ITGA11: variants seen among roughly 807,000 people sequenced by gnomAD.
The protein encoded by ITGA11 is integrin subunit alpha 11, also known as integrin alpha-11.
A neutral mutation model predicts 141.9 loss-of-function variants in ITGA11; 97 were observed. The ratio of observed to expected loss-of-function variants is 0.68; its 90% CI spans 0.58 to 0.81. ITGA11 has a LOEUF of 0.81. Among genes scored for constraint, ITGA11 ranks in the 30% least tolerant of loss-of-function variants. The pLI, the probability that ITGA11 is intolerant of heterozygous loss-of-function variation, is 0.00. For synonymous variants in ITGA11, 658 were observed against 624.6 expected (o/e 1.05, Z -0.80); for missense variants, 1,387 against 1,559.2 (o/e 0.89, Z 1.86).
At chr15:68,418,418 A>G (rs1896938502) in intron 1 of ITGA11, among the ~76,000 whole-genome samples, 1 of 152,146 alleles carries the variant, frequency 6.6e-6, no homozygotes, top group Non-Finnish European at 1.5e-5. Context: ...TGGTTTCTAA[A>G]TTGCTTTGCA....
rs537869445 is a variant in ITGA11 at position 68,321,304 on chromosome 15, T to G, written c.2408+114A>C. The G allele has an allele frequency of 4.7e-5, 27 of 572,986 alleles. No homozygotes were observed. Among genetic ancestry groups the G allele is most frequent in the Non-Finnish European group, 7.7e-5 (26 of 337,568 alleles). 35.5% of individuals were successfully genotyped at this position (572,986 alleles called of 1,614,324 possible). On this transcript the variant is annotated intron_variant, in intron 19 of 29. Transcript: ENST00000315757. The surrounding 1 kb of genome is among the most constrained non-coding windows in gnomAD (Gnocchi z 4.9). ...CGCAGGCTCCAAGTGCAATGTTTGA[T>G]CCATGCTGCCTGTGAGGAGGATGTC...
chr15:68,392,486 C>T (rs1266802688), intron 2 of ITGA11, among the ~76,000 whole-genome samples: 1 of 152,046 alleles, frequency 6.6e-6, no homozygotes, highest in African/African-American at 2.4e-5. Flanking sequence ...GTTGGGGCTG[C>T]AAAGATGACT....
intron 1 of ITGA11, among the ~76,000 whole-genome samples, chr15:68,412,980 A>T (rs574407247): frequency 6.6e-6 from 1 of 152,148 alleles, no homozygotes; most frequent in Non-Finnish European, 1.5e-5. Context: ...CCCAGCCAGG[A>T]CTTTATCTTT....
chr15:68,351,531 G>T, intron 7 of ITGA11, 129 bp from the exon 8 acceptor site: 1 of 910,980 alleles, frequency 1.1e-6, no homozygotes, highest in Non-Finnish European at 1.7e-6. Flanking sequence ...CAGGTGCCAG[G>T]ACCTCAAACC....
Position 68,304,014 on chromosome 15 carries a change from A to G in ITGA11, c.3382-129T>C. The G allele has an allele frequency of 1.7e-6, 1 of 598,950 alleles. No homozygotes were observed. The highest frequency in any genetic ancestry group is 3.0e-6 in the Non-Finnish European group (1 of 332,838). The allele number at this position is 598,950 out of a possible 1,614,324, so 37.1% of individuals were successfully genotyped here. A position where few individuals can be genotyped will look rare whatever the true frequency, so the allele number is the denominator to read the frequency against. On this transcript the variant is annotated intron_variant, in intron 28 of 29. Coordinates refer to ENST00000315757, the MANE Select transcript of ITGA11 (RefSeq NM_001004439.2). The surrounding 1 kb of genome is among the most constrained non-coding windows in gnomAD (Gnocchi z 6.1). The stretch of plus-strand genomic sequence containing the variant: ...GCTGCATCCTCTTCCTCAGGGGGAT[A>G]CCAGAGGGATGGGTGGACAGGCCAG...
intron 2 of ITGA11, among the ~76,000 whole-genome samples, chr15:68,389,108 G>A (rs921944107): frequency 6.6e-6 from 1 of 152,044 alleles, no homozygotes; most frequent in African/African-American, 2.4e-5. Context: ...TCTCACCCAT[G>A]TGTACTCTGA....
At chr15:68,422,833 A>G (rs1897051853) in intron 1 of ITGA11, among the ~76,000 whole-genome samples, 1 of 152,004 alleles carries the variant, frequency 6.6e-6, no homozygotes, top group African/African-American at 2.4e-5. Flanking sequence ...CACCTCTCAA[A>G]TCCCAGAGTC....
intron 5 of ITGA11, among the ~76,000 whole-genome samples, chr15:68,358,907 G>GT: frequency 6.6e-6 from 1 of 152,200 alleles, no homozygotes; most frequent in Non-Finnish European, 1.5e-5. Flanking sequence ...CAGTACCTTG[G>GT]TATTGTTTGT....
chr15:68,402,900 G>T lies in ITGA11; in HGVS notation c.164+18C>A. 6.4e-7 allele frequency: 1 copy of T among 1,563,540 alleles called. No homozygotes were observed. The highest frequency in any genetic ancestry group is 8.8e-7 in the Non-Finnish European group (1 of 1,137,796). ...TGGAATGGTACAGGGCTGGGTGTGG[G>T]CGGCCGCTCTCACTCACCACTTATT... is the stretch of plus-strand genomic sequence containing the variant. On this transcript the variant is annotated intron_variant, in intron 2 of 29. Transcript: ENST00000315757.
chr15:68,336,489 C>T (rs942385087), intron 11 of ITGA11, among the ~76,000 whole-genome samples: 4 of 152,144 alleles, frequency 2.6e-5, no homozygotes, highest in Non-Finnish European at 5.9e-5. Context: ...AAAGGAACCC[C>T]AGGGGCTCTT....
chr15:68,386,135 C>T (rs77542268), intron 2 of ITGA11, among the ~76,000 whole-genome samples: 3,717 of 152,214 alleles, frequency 0.024, 138 homozygotes, highest in African/African-American at 0.082. Flanking sequence ...TAGAGAGGTC[C>T]CCAAGGAGAG....
rs1893278692 is a variant in ITGA11 at position 68,308,742 on chromosome 15, A to AAAAG, written c.3175-1050_3175-1047dup. ...GGGTGACCGAGCCAGACTCTGTCTC[A>AAAAG]AAAGAAAAGAAAAGAAAAGAAAGAA... On this transcript the variant is annotated intron_variant, in intron 26 of 29. Transcript: ENST00000315757. This position sits in a 1 kb window ranked among gnomAD's most constrained non-coding sequence, Gnocchi z 5.2. 2.1e-4 allele frequency among the ~76,000 whole-genome samples: 6 copies of AAAAG among 29,186 alleles called. No individual in the cohort carries two copies. Among genetic ancestry groups the AAAAG allele is most frequent in the Non-Finnish European group, 3.7e-4 (5 of 13,390 alleles). 19.1% of individuals were successfully genotyped at this position (29,186 alleles called of 152,430 possible).
intron 1 of ITGA11, among the ~76,000 whole-genome samples, chr15:68,415,602 C>T (rs556550715): frequency 3.9e-5 from 6 of 152,194 alleles, no homozygotes; most frequent in Admixed American, 1.3e-4. Context: ...TCTGAGCACG[C>T]CAGTGGTTTG....
At chr15:68,426,977 T>C (rs1897157425) in intron 1 of ITGA11, among the ~76,000 whole-genome samples, 1 of 120,480 alleles carries the variant, frequency 8.3e-6, no homozygotes, top group Non-Finnish European at 1.6e-5. Context: ...ATCATGCCAC[T>C]GCACTCCAGC....
In ITGA11 at chr15:68,333,306, G is replaced by A. The variant is rs1894238379; in HGVS notation, c.1426-828C>T. ...TGTAGAGATGGGGTCTCACTATGTT[G>A]CCCAGGCTGGTCTGGAACTCCTACG... On this transcript the variant is annotated intron_variant, in intron 12 of 29. Coordinates refer to ENST00000315757, the MANE Select transcript of ITGA11 (RefSeq NM_001004439.2). The surrounding 1 kb of genome is among the most constrained non-coding windows in gnomAD (Gnocchi z 4.2). Among the ~76,000 whole-genome samples, 1 of 152,132 alleles carries A rather than the reference G, an allele frequency of 6.6e-6. No homozygotes were observed. Among genetic ancestry groups the A allele is most frequent in the African/African-American group, 2.4e-5 (1 of 41,420 alleles).
At chr15:68,348,370 C>T (rs927301565) in intron 10 of ITGA11, among the ~76,000 whole-genome samples, 2 of 152,238 alleles carry the variant, frequency 1.3e-5, no homozygotes, top group Admixed American at 6.5e-5. Context: ...CATGTGCAGG[C>T]CGCCTTGGGC....
chr15:68,326,913 A>C lies in ITGA11; in HGVS notation c.2069-117T>G. ...AGGGGAGAGCTGTTCCTTTCCTCTCACGAGCCCCAGTGTGGGTGAGAAACT... is the reference window on the plus strand; with the variant it reads ...AGGGGAGAGCTGTTCCTTTCCTCTCCCGAGCCCCAGTGTGGGTGAGAAACT... On this transcript the variant is annotated intron_variant, in intron 16 of 29. Transcript: ENST00000315757. This position sits in a 1 kb window ranked among gnomAD's most constrained non-coding sequence, Gnocchi z 6.8. 4 of 1,132,198 alleles carry C rather than the reference A, an allele frequency of 3.5e-6. No individual in the cohort carries two copies. The highest frequency in any genetic ancestry group is 4.9e-6 in the Non-Finnish European group (4 of 816,012). The allele number at this position is 1,132,198 out of a possible 1,614,324, so 70.1% of individuals were successfully genotyped here. A position where few individuals can be genotyped will look rare whatever the true frequency, so the allele number is the denominator to read the frequency against.
chr15:68,344,253 C>G (rs1383475189), intron 10 of ITGA11, among the ~76,000 whole-genome samples: 1 of 152,092 alleles, frequency 6.6e-6, no homozygotes. Flanking sequence ...GCCCGCCCAG[C>G]CTGGCAGGTG....
rs1894107460 is a variant in ITGA11 at position 68,330,106 on chromosome 15, T to A, written c.1901+875A>T. Among the ~76,000 whole-genome samples, 3 of 152,258 alleles carry A rather than the reference T, an allele frequency of 2.0e-5. No homozygotes were observed. The South Asian group carries it at 6.2e-4, about 32-fold the overall frequency. On this transcript the variant is annotated intron_variant, in intron 15 of 29. Coordinates refer to ENST00000315757, the MANE Select transcript of ITGA11 (RefSeq NM_001004439.2). ...TCTCTTCCGGCTTCACTTCTGCTTC[T>A]AGGATTGCTCCCACTCCCAAAGCAT...
Sources: gnomAD v4.1 joint callset for allele counts (sites outside exome capture counted in the v4.1 genomes callset) on GRCh38, gnomAD v4.1.1 for gene constraint, Gnocchi (gnomAD v3.1) non-coding constraint, MANE v1.5 for transcripts, NCBI Gene and HGNC (gene_info 2026-07-23, HGNC 2026-07-21) for gene names.